ZNF41: variants seen among roughly 807,000 people sequenced by gnomAD.
ZNF41 encodes the protein zinc finger protein 41.
A neutral mutation model predicts 9.3 loss-of-function variants in ZNF41; 6 were observed. The ratio of observed to expected loss-of-function variants is 0.65; its 90% confidence interval spans 0.35 to 1.28. ZNF41 has a LOEUF of 1.28. Ranked by LOEUF, ZNF41 falls within the 50% of genes most tolerant of loss-of-function variation. ZNF41 has a pLI of 0.03. For synonymous variants in ZNF41, 192 were observed against 207.1 expected (o/e 0.93, Z 0.63); for missense variants, 523 against 585.8 (o/e 0.89, Z 1.11).
chrX:47,465,817 T>C (rs961460356), intron 2 of ZNF41, among the ~76,000 whole-genome samples: 2 of 111,120 alleles, frequency 1.8e-5, no homozygotes, highest in African/African-American at 6.6e-5. Context: ...AGAAAAAACA[T>C]TAAAATAAAT....
In ZNF41 at chrX:47,447,953, G is replaced by A. The variant is rs2056185828; in HGVS notation, c.1817C>T (p.Pro606Leu). 5.0e-6 allele frequency: 6 copies of A among 1,211,271 alleles called. No homozygotes were observed. The highest frequency in any genetic ancestry group is 3.0e-5 in the East Asian group (1 of 33,829). ...CTTCCCGCATTCAGGACAAACGTAC[G>A]GTTTCTCTCCTGTATGGATTCTCTG... Reference protein sequence around the residue: ...VHQRIHTGEKPYVCPECGKAF... With the variant: ...VHQRIHTGEKLYVCPECGKAF... The change falls in exon 5 of 5, where the codon CCG (proline) becomes CTG (leucine). Residue 606 changes from proline to leucine, a missense_variant. By Grantham distance (98) the Pro-to-Leu change is moderately conservative (BLOSUM62 -3). Transcript: ENST00000684689.
intron 1 of ZNF41, among the ~76,000 whole-genome samples, chrX:47,470,671 G>A (rs1427608782): frequency 2.8e-5 from 3 of 107,401 alleles, no homozygotes; most frequent in Non-Finnish European, 5.8e-5. Context: ...AGGTTGCAGT[G>A]AGCCGAGATC....
chrX:47,475,761 T>C (rs763913689), intron 1 of ZNF41, among the ~76,000 whole-genome samples: 60 of 111,193 alleles, frequency 5.4e-4, no homozygotes, highest in Middle Eastern at 4.6e-3. Flanking sequence ...CTGGTCTGAA[T>C]TGTGAATGGA....
intron 1 of ZNF41, among the ~76,000 whole-genome samples, chrX:47,473,959 C>A (rs2057262874): frequency 1.8e-5 from 2 of 111,953 alleles, no homozygotes; most frequent in African/African-American, 6.5e-5. Context: ...TATACAAAAA[C>A]CTGTACAAGA....
chrX:47,459,874 C>T (rs1358244577), intron 2 of ZNF41, among the ~76,000 whole-genome samples: 3 of 107,442 alleles, frequency 2.8e-5, no homozygotes, highest in Admixed American at 2.0e-4. Flanking sequence ...ACCTGGGAGG[C>T]GGAGGTTGCA....
chrX:47,450,548 A>C (rs1210262235), intron 4 of ZNF41, among the ~76,000 whole-genome samples: 2 of 111,361 alleles, frequency 1.8e-5, no homozygotes, highest in Admixed American at 1.9e-4. Flanking sequence ...ATACATGCTT[A>C]TAACAAGGCG....
rs765893139 is a variant in ZNF41 at position 47,456,030 on chromosome X, A to G, written c.200-14T>C. 8.3e-7 allele frequency: 1 copy of G among 1,197,831 alleles called. No homozygotes were observed. Among genetic ancestry groups the G allele is most frequent in the Non-Finnish European group, 1.1e-6 (1 of 882,745 alleles). On this transcript the variant is annotated splice_polypyrimidine_tract_variant and intron_variant, in intron 3 of 4. Transcript: ENST00000684689. ...GAATTTGGTACCCTGTTAACAGGAC[A>G]TGATACACGATTGGGTCCAGCTGAT...
At chrX:47,457,510 T>C (rs17147632) in intron 2 of ZNF41, among the ~76,000 whole-genome samples, 3,166 of 110,954 alleles carry the variant, frequency 0.029, 96 homozygotes, top group African/African-American at 0.097. Context: ...AATAAGACAA[T>C]CTGGACTTAA....
chrX:47,472,561 C>T (rs2057224402), intron 1 of ZNF41, among the ~76,000 whole-genome samples: 1 of 106,759 alleles, frequency 9.4e-6, no homozygotes, highest in South Asian at 4.3e-4. Context: ...GCCTCAACCT[C>T]CCAAGTAGGT....
chrX:47,463,666 C>A (rs1345747534), intron 2 of ZNF41, among the ~76,000 whole-genome samples: 1 of 111,470 alleles, frequency 9.0e-6, no homozygotes, highest in African/African-American at 3.3e-5. Context: ...TCTGGTGGAC[C>A]CTCAGCCCCA....
At chrX:47,469,333 A>AC (rs2057105793) in intron 1 of ZNF41, among the ~76,000 whole-genome samples, 1 of 98,383 alleles carries the variant, frequency 1.0e-5, no homozygotes, top group Non-Finnish European at 2.0e-5. Flanking sequence ...AAAAAAAAAA[A>AC]AAAAAAAAAG....
chrX:47,448,884 C>T lies in ZNF41; in HGVS notation c.886G>A (p.Glu296Lys), dbSNP rs751720281. Residue 296 changes from glutamate to lysine, a missense_variant, in exon 5 of 5, where the codon GAA becomes AAA. Coordinates refer to ENST00000684689, the MANE Select transcript of ZNF41 (RefSeq NM_001324144.2). ...CTTTTGTCACATTCACGGGACTTTT[C>T]TCCAGCATGAATTCTCTGATGCTCA... The part of the protein sequence containing the change: ...LFEHQRIHAG[E>K]KSRECDKSNK... The T allele has an allele frequency of 5.8e-6, 7 of 1,209,731 alleles. No homozygotes were observed. In the East Asian group the frequency reaches 2.1e-4, roughly 36 times the overall value.
chrX:47,447,230 G>A lies in ZNF41; in HGVS notation c.*200C>T. 2.1e-6 allele frequency: 1 copy of A among 477,067 alleles called. No homozygotes were observed. Among genetic ancestry groups the A allele is most frequent in the Non-Finnish European group, 3.6e-6 (1 of 278,820 alleles). The allele number at this position is 477,067 out of a possible 1,213,427, so 39.3% of individuals were successfully genotyped here. Reference sequence around the variant, plus strand: ...AAAGGCTCTTCCTATGCATAGAATTGCATATACACTGTGGTGATGCAGGAA... The same window carrying A: ...AAAGGCTCTTCCTATGCATAGAATTACATATACACTGTGGTGATGCAGGAA... On this transcript the variant is annotated 3_prime_UTR_variant, in exon 5 of 5. Transcript: ENST00000684689.
At chrX:47,464,573 G>A (rs1263613134) in intron 2 of ZNF41, among the ~76,000 whole-genome samples, 3 of 112,015 alleles carry the variant, frequency 2.7e-5, no homozygotes. Context: ...CAGGGTCTCG[G>A]TCATTTCCAT....
chrX:47,478,082 G>A (rs183996471), intron 1 of ZNF41, among the ~76,000 whole-genome samples: 26 of 112,247 alleles, frequency 2.3e-4, no homozygotes, highest in Non-Finnish European at 4.5e-4. Context: ...GGTTGCCAGG[G>A]GCTGAGAGGA....
chrX:47,478,373 G>A (rs1239849002), intron 1 of ZNF41, among the ~76,000 whole-genome samples: 1 of 110,862 alleles, frequency 9.0e-6, no homozygotes, highest in Non-Finnish European at 1.9e-5. Flanking sequence ...CAGGTGTGGT[G>A]GCACGCACCT....
In ZNF41 at chrX:47,447,437, C is replaced by T; in HGVS notation, c.2333G>A (p.Ser778Asn). 5.8e-6 allele frequency: 7 copies of T among 1,211,025 alleles called. No individual in the cohort carries two copies. Among genetic ancestry groups the T allele is most frequent in the Non-Finnish European group, 7.8e-6 (7 of 895,572 alleles). Reference sequence around the variant, plus strand: ...TTCCAGGTGAAGACTTTCTCAGTCACTGGCTTTATAGCGTTTTTCTCCACT... The same window carrying T: ...TTCCAGGTGAAGACTTTCTCAGTCATTGGCTTTATAGCGTTTTTCTCCACT... ...MHSGEKRYKA[S>N]D is the part of the protein sequence containing the mutation. Residue 778 changes from serine to asparagine, a missense_variant, in exon 5 of 5, where the codon AGT (serine) becomes AAT (asparagine). Ser to Asn is a conservative substitution (Grantham distance 46). Transcript: ENST00000684689.
intron 2 of ZNF41, 67 bp from the exon 3 acceptor site, chrX:47,456,465 A>C (rs748338532): frequency 2.5e-6 from 3 of 1,202,136 alleles, no homozygotes; most frequent in Non-Finnish European, 3.4e-6. Context: ...GGTAGATAGC[A>C]AGTTGTTTTT....
chrX:47,478,562 C>T lies in ZNF41; in HGVS notation c.-280+4533G>A, dbSNP rs754385513. Among the ~76,000 whole-genome samples the T allele has an allele frequency of 5.4e-5, 6 of 110,623 alleles. No individual in the cohort carries two copies. In the East Asian group the frequency reaches 1.4e-3, roughly 26 times the overall value. On this transcript the variant is annotated intron_variant, in intron 1 of 4. Coordinates refer to ENST00000684689, the MANE Select transcript of ZNF41 (RefSeq NM_001324144.2). ...GAGGGTGGCTTTCATGTTAAGTGTTCGTACCACAACAAACAAAATAATAAA... is the reference window on the plus strand; with the variant it reads ...GAGGGTGGCTTTCATGTTAAGTGTTTGTACCACAACAAACAAAATAATAAA...
Sources: gnomAD v4.1 joint callset for allele counts (sites outside exome capture counted in the v4.1 genomes callset) on GRCh38, gnomAD v4.1.1 for gene constraint, MANE v1.5 for transcripts, NCBI Gene and HGNC (gene_info 2026-07-23, HGNC 2026-07-21) for gene names.